Variants in ADA2 observed in about 807,000 individuals in gnomAD.
ADA2 encodes adenosine deaminase 2.
A neutral mutation model predicts 44.2 loss-of-function variants in ADA2; 29 were observed. That is an observed-to-expected ratio of 0.66 (90% CI 0.49 to 0.89). The LOEUF is 0.89. Among genes scored for constraint, ADA2 ranks in the 40% least tolerant of loss-of-function variants. The probability of loss-of-function intolerance (pLI) is 0.00; values close to 1 mark genes in which losing one functional copy is unlikely to be tolerated. For missense variants in ADA2, 637 were observed against 644.8 expected (o/e 0.99, Z 0.13); for synonymous variants, 215 against 234.9 (o/e 0.92, Z 0.77).
chr22:17,200,328 G>C (rs767679073), intron 4 of ADA2, among the ~76,000 whole-genome samples: 1 of 152,094 alleles, frequency 6.6e-6, no homozygotes. Flanking sequence ...CTCAATAAAA[G>C]ATGAGACCCT....
At chr22:17,197,260 CTTTTTTTT>C (rs1444516010) in intron 4 of ADA2, among the ~76,000 whole-genome samples, 3 of 143,008 alleles carry the variant, frequency 2.1e-5, no homozygotes, top group Non-Finnish European at 4.6e-5. Context: ...TTCTTTCTTT[CTTTTTTTT>C]CTTTTTTTTT....
Position 17,203,663 on chromosome 22 carries a change from A to G in ADA2, c.653T>C (p.Ile218Thr). The G allele has an allele frequency of 1.2e-6, 2 of 1,614,016 alleles. No homozygotes were observed. ...GTCTCTGAACACTGGTGCGTAATGGATGAGACCAGAGATGGTGAAGAAGAT... is the reference window on the plus strand; with the variant it reads ...GTCTCTGAACACTGGTGCGTAATGGGTGAGACCAGAGATGGTGAAGAAGAT... ...ETIFFTISGL[I>T]HYAPVFRDYV... The change falls in exon 4 of 10, where the codon ATC becomes ACC. Residue 218 changes from isoleucine (I) to threonine (T), a missense_variant. Physicochemically the swap from Ile to Thr is moderately conservative, Grantham distance 89 (BLOSUM62 -1). Transcript: ENST00000399837.
Position 17,188,579 on chromosome 22 carries a change from T to C in ADA2, c.973-132A>G, listed in dbSNP as rs9617966. ...GCCGGGACCTTTGTCACACAGCCTT[T>C]TAAGAATGACCAGGAGCAGGCCAGG... On this transcript the variant is annotated intron_variant, in intron 6 of 9. Transcript: ENST00000399837. 211,934 of 606,354 alleles carry C rather than the reference T, an allele frequency of 0.35. 38,932 individuals carry two copies. Among genetic ancestry groups the C allele is most frequent in the Non-Finnish European group, 0.39 (132,453 of 342,414 alleles). The allele number at this position is 606,354 out of a possible 1,614,324, so 37.6% of individuals were successfully genotyped here.
At position 17,187,128 on chromosome 22, in the gene ADA2, C is replaced by T. The variant is rs1040786083; in HGVS notation, c.1081+1211G>A. 3.4e-5 allele frequency among the ~76,000 whole-genome samples: 5 copies of T among 148,042 alleles called. No homozygotes were observed. The East Asian group carries it at 6.0e-4, about 18-fold the overall frequency. ...TTGCAAGTGAGCCGAGATCATACCA[C>T]TGCACTCCAGCCTGGGCCACAGAGC... On this transcript the variant is annotated intron_variant, in intron 7 of 9. Transcript: ENST00000399837.
intron 4 of ADA2, chr22:17,199,659 C>G: frequency 6.2e-7 from 1 of 1,611,222 alleles, no homozygotes; most frequent in African/African-American, 1.3e-5. Flanking sequence ...TTAGGACGCT[C>G]AGAGAGCCCA....
rs1450285770 is a variant in ADA2, at chr22:17,178,895, C to G, written c.*2588G>C. ...TGGAGGTCCCCTGCGCAGTTGGGAC[C>G]TAAAAGATCTTCAGGGATTGGGTAA... On this transcript the variant is annotated 3_prime_UTR_variant, in exon 10 of 10. Coordinates refer to ENST00000399837, the MANE Select transcript of ADA2 (RefSeq NM_001282225.2). 1 of 152,146 alleles carries G rather than the reference C, an allele frequency of 6.6e-6. No homozygotes were observed. Among genetic ancestry groups the G allele is most frequent in the African/African-American group, 2.4e-5 (1 of 41,422 alleles). 9.4% of individuals were successfully genotyped at this position (152,146 alleles called of 1,614,324 possible).
At chr22:17,193,347 C>G (rs1053143908) in intron 4 of ADA2, 1 of 136,250 alleles carries the variant, frequency 7.3e-6, no homozygotes, top group South Asian at 1.3e-4. Flanking sequence ...TAAATAAAAC[C>G]GTAAAAACTG....
At chr22:17,195,637 G>A (rs967156564) in intron 4 of ADA2, among the ~76,000 whole-genome samples, 2 of 151,838 alleles carry the variant, frequency 1.3e-5, no homozygotes, top group African/African-American at 4.8e-5. Context: ...TTCACTGTCT[G>A]TTTCACTCTT....
chr22:17,210,378 C>T (rs1267539282), intron 1 of ADA2, among the ~76,000 whole-genome samples: 2 of 151,530 alleles, frequency 1.3e-5, no homozygotes, highest in African/African-American at 2.4e-5. Flanking sequence ...TTAGTAGAGA[C>T]GGGGTTTCTC....
At chr22:17,213,746 A>G in intron 1 of ADA2, 1 of 247,672 alleles carries the variant, frequency 4.0e-6, no homozygotes, top group Non-Finnish European at 8.1e-6. Context: ...GATCCTCAAG[A>G]AAGCATCCAG....
Position 17,209,495 on chromosome 22 carries a change from C to G in ADA2, c.183G>C (p.Glu61Asp). The change falls in exon 2 of 10, where the codon GAG becomes GAC. Residue 61 changes from glutamate to aspartate, a missense_variant. Glu to Asp is a conservative substitution (Grantham distance 45). Transcript: ENST00000399837. ...CAGCGATTTTGAGCGTCATGAGCCT[C>G]TCATTGGCCAGCTCCTCCTTGGTGT... ...VLNTKEELAN[E>D]RLMTLKIAEM... The G allele has an allele frequency of 6.2e-7, 1 of 1,614,176 alleles. No individual in the cohort carries two copies. Among genetic ancestry groups the G allele is most frequent in the Non-Finnish European group, 8.5e-7 (1 of 1,180,042 alleles).
chr22:17,180,827 A>C lies in ADA2; in HGVS notation c.*656T>G, dbSNP rs748696714. ...GTGTACAGAGAGAGAAGAGAAATAA[A>C]GAGGAGAGAGTTAAAGAGACCAGAA... is the stretch of plus-strand genomic sequence containing the variant. On this transcript the variant is annotated 3_prime_UTR_variant, in exon 10 of 10. Coordinates refer to ENST00000399837, the MANE Select transcript of ADA2 (RefSeq NM_001282225.2). 1.3e-5 allele frequency: 2 copies of C among 152,246 alleles called. No individual in the cohort carries two copies. Among genetic ancestry groups the C allele is most frequent in the Non-Finnish European group, 2.9e-5 (2 of 68,074 alleles). 9.4% of individuals were successfully genotyped at this position (152,246 alleles called of 1,614,324 possible).
intron 7 of ADA2, among the ~76,000 whole-genome samples, chr22:17,185,303 C>CT (rs2062023603): frequency 6.6e-6 from 1 of 151,562 alleles, no homozygotes; most frequent in Non-Finnish European, 1.5e-5. Flanking sequence ...GTAGTCCCAG[C>CT]TACTCGGGAG....
intron 1 of ADA2, among the ~76,000 whole-genome samples, chr22:17,216,356 C>T (rs2062470931): frequency 6.6e-6 from 1 of 150,784 alleles, no homozygotes; most frequent in Non-Finnish European, 1.5e-5. Flanking sequence ...CAGAGTGAAA[C>T]CCTATCTGCC....
Position 17,209,617 on chromosome 22 carries a change from T to C in ADA2, c.61A>G (p.Met21Val), listed in dbSNP as rs773893396. ...ALCFLLLAVAMSFFGSALSID... is the reference protein window; with the variant it reads ...ALCFLLLAVAVSFFGSALSID... ...GATAGAGCTGAGCCGAAGAAAGACA[T>C]TGCCACAGCCAACAGCAAGAAGCAC... The change falls in exon 2 of 10, where the codon ATG becomes GTG. Residue 21 changes from methionine (M) to valine (V), a missense_variant. By Grantham distance (21) the Met-to-Val change is conservative. Coordinates refer to ENST00000399837, the MANE Select transcript of ADA2 (RefSeq NM_001282225.2). The C allele has an allele frequency of 1.2e-6, 2 of 1,614,048 alleles. No individual in the cohort carries two copies. The highest frequency in any genetic ancestry group is 1.1e-5 in the South Asian group (1 of 91,082).
Position 17,181,815 on chromosome 22 carries a change from C to G in ADA2, c.1442+5G>C. 6.2e-7 allele frequency: 1 copy of G among 1,612,072 alleles called. No individual in the cohort carries two copies. Among genetic ancestry groups the G allele is most frequent in the Non-Finnish European group, 8.5e-7 (1 of 1,178,962 alleles). On this transcript the variant is annotated splice_donor_5th_base_variant and intron_variant, in intron 9 of 9. Coordinates refer to ENST00000399837, the MANE Select transcript of ADA2 (RefSeq NM_001282225.2). The stretch of plus-strand genomic sequence containing the variant: ...GGGGGACCTGGGAGGACACAGGACA[C>G]TCACTTGATAGAGTTCATGGCCAGC...
chr22:17,218,712 G>A lies in ADA2; in HGVS notation c.-47+644C>T, dbSNP rs1459541824. Among the ~76,000 whole-genome samples the A allele has an allele frequency of 2.0e-5, 3 of 152,156 alleles. No individual in the cohort carries two copies. In the East Asian group the frequency reaches 5.8e-4, roughly 29 times the overall value. On this transcript the variant is annotated intron_variant, in intron 1 of 9. Transcript: ENST00000399837. Reference sequence around the variant, plus strand: ...GCCAGACAGAAGTTTATCTAATGGTGGTCAAGACCTGCCTGGTTGAATACT... The same window carrying A: ...GCCAGACAGAAGTTTATCTAATGGTAGTCAAGACCTGCCTGGTTGAATACT...
At chr22:17,194,522 G>T (rs1213612954) in intron 4 of ADA2, among the ~76,000 whole-genome samples, 1 of 152,164 alleles carries the variant, frequency 6.6e-6, no homozygotes, top group Non-Finnish European at 1.5e-5. Context: ...GGCAGGCGCA[G>T]TGGGGGAGCA....
In ADA2 at chr22:17,183,650, C is replaced by T. The variant is rs186152766; in HGVS notation, c.1082-889G>A. ...CTATTTTTTGTATTTTTAGTAGAGA[C>T]GGGGTTTCACCATGTCGGCCAGGCC... On this transcript the variant is annotated intron_variant, in intron 7 of 9. Transcript: ENST00000399837. 2.2e-3 allele frequency among the ~76,000 whole-genome samples: 330 copies of T among 151,430 alleles called. 2 individuals are homozygous for T. Among genetic ancestry groups the T allele is most frequent in the African/African-American group, 7.1e-3 (294 of 41,268 alleles).
Sources: allele counts gnomAD v4.1 joint callset (sites outside exome capture counted in the v4.1 genomes callset), GRCh38; gene constraint gnomAD v4.1.1; transcripts MANE v1.5; gene names NCBI Gene and HGNC (gene_info 2026-07-23, HGNC 2026-07-21).